Variants in WDR77 observed in about 807,000 individuals in gnomAD.
The protein encoded by WDR77 is WD repeat domain 77, also known as methylosome protein WDR77.
In WDR77, 31 loss-of-function variants were observed where a neutral mutation model predicts 44.0. That is an observed-to-expected ratio of 0.70 (90% CI 0.53 to 0.95). The LOEUF (loss-of-function observed/expected upper bound fraction) is 0.95. Among genes scored for constraint, WDR77 ranks in the 40% least tolerant of loss-of-function variants. The probability of loss-of-function intolerance (pLI) is 0.00; values close to 1 mark genes in which losing one functional copy is unlikely to be tolerated. For missense variants in WDR77, 390 were observed against 423.9 expected (o/e 0.92, Z 0.70); for synonymous variants, 186 against 165.7 (o/e 1.12, Z -0.94).
At chr1:111,442,530 C>A (rs1652856909) in intron 8 of WDR77, 123 bp downstream of exon 8, 2 of 615,348 alleles carry the variant, frequency 3.3e-6, no homozygotes, top group East Asian at 3.0e-5. Context: ...TGTTCCGAAA[C>A]CTCAGCTAGA....
Position 111,441,258 on chromosome 1 carries a change from G to A in WDR77, c.1001C>T (p.Ala334Val). 6.4e-7 allele frequency: 1 copy of A among 1,574,594 alleles called. No individual in the cohort carries two copies. Among genetic ancestry groups the A allele is most frequent in the Non-Finnish European group, 8.6e-7 (1 of 1,159,840 alleles). The change falls in exon 10 of 10, where the codon GCC becomes GTC. Residue 334 changes from alanine to valine, a missense_variant. Coordinates refer to ENST00000235090, the MANE Select transcript of WDR77 (RefSeq NM_024102.4). ...HHVVPTEPLP[A>V]PGPASVTE ...CTCAGTAACACTTGCAGGTCCAGGG[G>A]CTGGGAGAGGTTCTGTGGGCACAAC...
Position 111,442,031 on chromosome 1 carries a change from G to A in WDR77, c.863C>T (p.Ser288Phe). The change falls in exon 9 of 10, where the codon TCT becomes TTT. Residue 288 changes from serine to phenylalanine, a missense_variant. Physicochemically the swap from Ser to Phe is radical, Grantham distance 155. Coordinates refer to ENST00000235090, the MANE Select transcript of WDR77 (RefSeq NM_024102.4). ...GATTCCACTTCACACTTACAACTCAGAAAGGCTTGAGTCCAGCACAGCAAG... is the reference window on the plus strand; with the variant it reads ...GATTCCACTTCACACTTACAACTCAAAAAGGCTTGAGTCCAGCACAGCAAG... ...CSLAVLDSSLSELFRSQAHRD... is the reference protein window; with the variant it reads ...CSLAVLDSSLFELFRSQAHRD... The A allele has an allele frequency of 6.2e-7, 1 of 1,613,984 alleles. No individual in the cohort carries two copies. Among genetic ancestry groups the A allele is most frequent in the Non-Finnish European group, 8.5e-7 (1 of 1,179,906 alleles).
Position 111,448,793 on chromosome 1 carries a change from G to C in WDR77, c.127C>G (p.Leu43Val), listed in dbSNP as rs1653170144. The C allele has an allele frequency of 3.2e-6, 5 of 1,583,450 alleles. No individual in the cohort carries two copies. In the East Asian group the frequency reaches 1.2e-4, roughly 37 times the overall value. ...CCACTCAGGCTGGAGGCCCCGAGGA[G>C]AAGCGCCCCATCTACGGGGGGTACA... The part of the protein sequence containing the change: ...AARYRSDGAL[L>V]LGASSLSGRC... The change falls in exon 2 of 10, where the codon CTC becomes GTC. Residue 43 changes from leucine (L) to valine (V), a missense_variant. Physicochemically the swap from Leu to Val is conservative, Grantham distance 32. Coordinates refer to ENST00000235090, the MANE Select transcript of WDR77 (RefSeq NM_024102.4).
chr1:111,441,945 C>G (rs1652833462), intron 9 of WDR77, 80 bp downstream of exon 9: 1 of 1,337,668 alleles, frequency 7.5e-7, no homozygotes, highest in East Asian at 2.3e-5. Flanking sequence ...AAGCACAACA[C>G]AGTTTTCTGA....
At chr1:111,444,201 A>C in intron 4 of WDR77, 77 bp from the exon 5 acceptor site, 2 of 1,444,630 alleles carry the variant, frequency 1.4e-6, no homozygotes, top group Non-Finnish European at 1.9e-6. Context: ...AGGAATAATC[A>C]AGGGGCAGGA....
intron 9 of WDR77, 85 bp downstream of exon 9, chr1:111,441,940 C>A: frequency 7.7e-7 from 1 of 1,305,720 alleles, no homozygotes. Context: ...TCCAAAAGCA[C>A]AACACAGTTT....
chr1:111,441,477 A>C (rs1490511922), intron 9 of WDR77, 88 bp from the exon 10 acceptor site: 2 of 1,397,372 alleles, frequency 1.4e-6, no homozygotes, highest in East Asian at 5.3e-5. Context: ...TCTGGGGCAC[A>C]TTTTTTGGGT....
intron 4 of WDR77, among the ~76,000 whole-genome samples, chr1:111,445,597 A>G (rs1652992844): frequency 6.6e-6 from 1 of 152,184 alleles, no homozygotes; most frequent in Non-Finnish European, 1.5e-5. Flanking sequence ...CTGTCTCTAC[A>G]AAAAATAGAA....
At chr1:111,447,001 A>C in intron 4 of WDR77, 94 bp downstream of exon 4, 1 of 1,283,196 alleles carries the variant, frequency 7.8e-7, no homozygotes, top group South Asian at 1.3e-5. Context: ...AAACTATCAG[A>C]ACATGGAATT....
At position 111,449,134 on chromosome 1, in the gene WDR77, CG is replaced by C; in HGVS notation, c.35del (p.Pro12ArgfsTer38). 4 of 1,576,442 alleles carry C rather than the reference CG, an allele frequency of 2.5e-6. No individual in the cohort carries two copies. On this transcript the variant is annotated frameshift_variant, in exon 1 of 10. Transcript: ENST00000235090. LOFTEE classifies it high-confidence loss of function. Reference protein sequence around the residue: ...RKETPPPLVPPAAREWNLPPN... With the variant: ...RKETPPPLVPXAAREWNLPPN... Reference sequence around the variant, plus strand: ...GGGGAAGATTCCACTCCCGGGCCGCCGGGGGCACTAGGGGGGGTGGGGTTTC... The same window carrying C: ...GGGGAAGATTCCACTCCCGGGCCGCCGGGGCACTAGGGGGGGTGGGGTTTC...
rs1653095101 is a variant in WDR77 at position 111,447,529 on chromosome 1, T to A, written c.349A>T (p.Ser117Cys). The change falls in exon 3 of 10, where the codon AGC becomes TGC. Residue 117 changes from serine to cysteine, a missense_variant. Ser to Cys is a moderately radical substitution (Grantham distance 112, BLOSUM62 -1). Transcript: ENST00000235090. Reference protein sequence around the residue: ...ELDENETLIVSKFCKYEHDDI... With the variant: ...ELDENETLIVCKFCKYEHDDI... ...TCATGCTCATACTTGCAGAACTTGC[T>A]GACAATAAGTGTCTCATTCTCATCT... 6 of 1,614,108 alleles carry A rather than the reference T, an allele frequency of 3.7e-6. No individual in the cohort carries two copies. In the South Asian group the frequency reaches 5.5e-5, roughly 15 times the overall value.
intron 4 of WDR77, 88 bp from the exon 5 acceptor site, chr1:111,444,212 G>A (rs1652929018): frequency 7.6e-7 from 1 of 1,311,104 alleles, no homozygotes; most frequent in South Asian, 1.2e-5. Flanking sequence ...AGGGGCAGGA[G>A]GGAGGGAGGG....
chr1:111,443,841 C>A (rs757793121), intron 6 of WDR77, 26 bp downstream of exon 6: 1 of 1,613,976 alleles, frequency 6.2e-7, no homozygotes, highest in East Asian at 2.2e-5. Flanking sequence ...AAGTACTATT[C>A]TCCCACCAAT....
intron 7 of WDR77, 97 bp from the exon 8 acceptor site, chr1:111,442,858 T>C (rs917941570): frequency 2.0e-5 from 16 of 785,044 alleles, no homozygotes; most frequent in African/African-American, 7.1e-5. Flanking sequence ...AAGTTAACCA[T>C]TCTGAGCATC....
chr1:111,443,769 A>C (rs1652909676), intron 6 of WDR77, 98 bp downstream of exon 6: 1 of 1,588,638 alleles, frequency 6.3e-7, no homozygotes, highest in Non-Finnish European at 8.6e-7. Context: ...CAGTAACTAC[A>C]CTGGGCATCT....
chr1:111,444,188 C>G, intron 4 of WDR77, 64 bp from the exon 5 acceptor site: 1 of 1,529,182 alleles, frequency 6.5e-7, no homozygotes. Flanking sequence ...AGAGGGCCAG[C>G]CCAGGAATAA....
Position 111,444,057 on chromosome 1 carries a change from G to A in WDR77, c.561C>T (p.Ser187=), listed in dbSNP as rs149684325. Residue 187 remains serine, a synonymous_variant, in exon 5 of 10, where the codon AGC becomes AGT. Transcript: ENST00000235090. Reference sequence around the variant, plus strand: ...GGAAGAAGGAGCTATCTCTTACCTCGCTGCATGAAAGAAACACAGAGTCCT... The same window carrying A: ...GGAAGAAGGAGCTATCTCTTACCTCACTGCATGAAAGAAACACAGAGTCCT... ...PHKDSVFLSC[S]EDNRILLWDT... is the part of the protein sequence containing the mutation. 286 of 1,614,104 alleles carry A rather than the reference G, an allele frequency of 1.8e-4. No individual in the cohort carries two copies. In the African/African-American group the frequency reaches 3.3e-3, roughly 19 times the overall value.
chr1:111,445,332 T>C (rs1213383016), intron 4 of WDR77, among the ~76,000 whole-genome samples: 2 of 152,224 alleles, frequency 1.3e-5, no homozygotes, highest in Non-Finnish European at 1.5e-5. Flanking sequence ...AGTTCTTTCC[T>C]AGCCCTAGAA....
intron 1 of WDR77, 46 bp downstream of exon 1, chr1:111,449,009 C>T: frequency 6.5e-7 from 1 of 1,548,178 alleles, no homozygotes; most frequent in Non-Finnish European, 8.7e-7. Context: ...GGAGGGGCGC[C>T]CTGGGCCGGG....
Sources: allele counts gnomAD v4.1 joint callset (sites outside exome capture counted in the v4.1 genomes callset), GRCh38; gene constraint gnomAD v4.1.1; transcripts MANE v1.5; gene names NCBI Gene and HGNC (gene_info 2026-07-23, HGNC 2026-07-21).